The following PDE1C variants were observed in gnomAD, a reference collection of about 807,000 sequenced individuals.
The protein encoded by PDE1C is phosphodiesterase 1C, also known as dual specificity calcium/calmodulin-dependent 3',5'-cyclic nucleotide phosphodiesterase 1C.
A neutral mutation model predicts 93.1 loss-of-function variants in PDE1C; 62 were observed. The observed-to-expected ratio is 0.67, with a 90% CI of 0.54 to 0.82. The LOEUF is 0.82. Among genes scored for constraint, PDE1C ranks in the 40% least tolerant of loss-of-function variants. The pLI, the probability that PDE1C is intolerant of heterozygous loss-of-function variation, is 0.00. For synonymous variants in PDE1C, 325 were observed against 310.1 expected (o/e 1.05, Z -0.50); for missense variants, 742 against 884.6 (o/e 0.84, Z 2.04).
At chr7:31,878,783 A>T (rs1796902673) in intron 4 of PDE1C, among the ~76,000 whole-genome samples, 1 of 152,222 alleles carries the variant, frequency 6.6e-6, no homozygotes, top group Admixed American at 6.5e-5. Flanking sequence ...AAACAAAAAA[A>T]TTCTGAGCAA....
intron 1 of PDE1C, among the ~76,000 whole-genome samples, chr7:32,422,242 G>C (rs1360905175): frequency 6.6e-6 from 1 of 152,096 alleles, no homozygotes; most frequent in Non-Finnish European, 1.5e-5. Context: ...AATGTTGAAG[G>C]TTAAGGCACA....
At chr7:31,643,637 A>C in the PDE1C span, 1 of 1,614,070 alleles carries the variant, frequency 6.2e-7, no homozygotes, top group Non-Finnish European at 8.5e-7. Context: ...AAAGCAAGAC[A>C]GTTAAATGAT....
At chr7:31,785,048 C>T (rs1045555378) in intron 16 of PDE1C, 5 of 152,208 alleles carry the variant, frequency 3.3e-5, no homozygotes, top group African/African-American at 1.2e-4. Context: ...CTATTTAAAA[C>T]CCATTCTATA....
chr7:32,012,037 C>G (rs1357266605), intron 2 of PDE1C, among the ~76,000 whole-genome samples: 1 of 152,140 alleles, frequency 6.6e-6, no homozygotes, highest in Non-Finnish European at 1.5e-5. Context: ...ACATGGATGA[C>G]TGTCAAAGTA....
chr7:31,872,745 G>A lies in PDE1C; in HGVS notation c.609+547C>T, dbSNP rs147309743. Among the ~76,000 whole-genome samples, 197 of 152,256 alleles carry A rather than the reference G, an allele frequency of 1.3e-3. 5 individuals are homozygous for A. The highest frequency in any genetic ancestry group is 4.6e-3 in the African/African-American group (190 of 41,542). ...CCTCGAGAGTCTACAGTATTAGAAG[G>A]CTGTAGGGAGTTGAACACTGGAAAT... On this transcript the variant is annotated intron_variant, in intron 6 of 17. Transcript: ENST00000396191.
chr7:32,187,236 C>T (rs1562561060), intron 2 of PDE1C, among the ~76,000 whole-genome samples: 3 of 152,110 alleles, frequency 2.0e-5, no homozygotes, highest in African/African-American at 7.2e-5. Flanking sequence ...TCAAGCAATA[C>T]TCCTGCCTCA....
chr7:31,715,264 AG>A, the PDE1C span, among the ~76,000 whole-genome samples: 2 of 151,762 alleles, frequency 1.3e-5, no homozygotes, highest in African/African-American at 4.8e-5. Context: ...TTTGAGAAAA[AG>A]TCTTGCTCTG....
intron 1 of PDE1C, among the ~76,000 whole-genome samples, chr7:32,250,387 C>T (rs138604419): frequency 1.7e-4 from 26 of 152,300 alleles, no homozygotes; most frequent in Middle Eastern, 3.4e-3. Flanking sequence ...AAATTAGGTG[C>T]GCATCAGAAT....
chr7:32,417,278 CTT>C (rs111750487), intron 1 of PDE1C, among the ~76,000 whole-genome samples: 33 of 142,032 alleles, frequency 2.3e-4, no homozygotes, highest in Admixed American at 4.2e-4. Context: ...AAAGTGATGA[CTT>C]TTTTTTTTTT....
At chr7:31,734,587 C>T in the PDE1C span, among the ~76,000 whole-genome samples, 1 of 152,132 alleles carries the variant, frequency 6.6e-6, no homozygotes, top group African/African-American at 2.4e-5. Context: ...TTTCAACATG[C>T]ACAAAATTCC....
chr7:31,651,829 A>C, the PDE1C span: 4 of 714,618 alleles, frequency 5.6e-6, no homozygotes, highest in South Asian at 4.0e-5. Flanking sequence ...TAAAGATGAC[A>C]TTCTCTTTTA....
At chr7:31,631,187 A>T in the PDE1C span, among the ~76,000 whole-genome samples, 96 of 151,664 alleles carry the variant, frequency 6.3e-4, no homozygotes, top group African/African-American at 2.2e-3. Context: ...AAGAGCAGAT[A>T]AAAAAAAAGA....
the PDE1C span, among the ~76,000 whole-genome samples, chr7:31,731,640 G>A: frequency 6.6e-6 from 1 of 152,094 alleles, no homozygotes; most frequent in Non-Finnish European, 1.5e-5. Flanking sequence ...CACCCTCCTC[G>A]GCCTCCCAAA....
intron 1 of PDE1C, among the ~76,000 whole-genome samples, chr7:32,341,792 G>T (rs1248254916): frequency 3.3e-5 from 5 of 152,164 alleles, no homozygotes; most frequent in Non-Finnish European, 7.3e-5. Context: ...AAGGCTGTTT[G>T]CATGAGGTCA....
intron 1 of PDE1C, among the ~76,000 whole-genome samples, chr7:32,287,131 T>C (rs191080716): frequency 1.3e-5 from 2 of 152,312 alleles, no homozygotes; most frequent in East Asian, 1.9e-4. Context: ...CAACTGATTC[T>C]CCACAGCATA....
chr7:31,652,998 C>T, the PDE1C span: 9 of 1,427,858 alleles, frequency 6.3e-6, no homozygotes, highest in Non-Finnish European at 8.2e-6. Flanking sequence ...TACTCTAATA[C>T]TCATTCAGTA....
At chr7:32,260,753 C>G (rs1345309788) in intron 1 of PDE1C, among the ~76,000 whole-genome samples, 1 of 151,374 alleles carries the variant, frequency 6.6e-6, no homozygotes, top group Non-Finnish European at 1.5e-5. Flanking sequence ...AAATTTATAA[C>G]AGCCCTTTCC....
chr7:32,250,654 T>A lies in PDE1C; in HGVS notation c.86-41115A>T, dbSNP rs185270819. On this transcript the variant is annotated intron_variant, in intron 1 of 18. Transcript: ENST00000396193. Reference sequence around the variant, plus strand: ...GATCACTGATAATGCTGTAGCCACATCCTCTTACCACTCAGCTCAGAAGCA... The same window carrying A: ...GATCACTGATAATGCTGTAGCCACAACCTCTTACCACTCAGCTCAGAAGCA... 4.6e-5 allele frequency among the ~76,000 whole-genome samples: 7 copies of A among 152,312 alleles called. No homozygotes were observed. In the East Asian group the frequency reaches 1.4e-3, roughly 29 times the overall value.
chr7:32,027,981 G>A (rs1789718578), intron 2 of PDE1C, among the ~76,000 whole-genome samples: 1 of 152,082 alleles, frequency 6.6e-6, no homozygotes, highest in Admixed American at 6.6e-5. Flanking sequence ...TAGAACTTAA[G>A]TATGTCTCTA....
Sources: gnomAD v4.1 joint callset for allele counts (sites outside exome capture counted in the v4.1 genomes callset) on GRCh38, gnomAD v4.1.1 for gene constraint, MANE v1.5 for transcripts, NCBI Gene and HGNC (gene_info 2026-07-23, HGNC 2026-07-21) for gene names.